HS3ST3A1: variants seen among roughly 807,000 people sequenced by gnomAD.
The protein encoded by HS3ST3A1 is heparan sulfate-glucosamine 3-sulfotransferase 3A1, also known as heparan sulfate glucosamine 3-O-sulfotransferase 3A1.
In HS3ST3A1, 19 loss-of-function variants were observed where a neutral mutation model predicts 25.7. That is an observed-to-expected ratio of 0.74 (90% confidence interval 0.52 to 1.08). The LOEUF is 1.08. Among genes scored for constraint, HS3ST3A1 ranks in the 50% least tolerant of loss-of-function variants. HS3ST3A1 has a pLI of 0.00. For missense variants in HS3ST3A1, 459 were observed against 594.3 expected (o/e 0.77, Z 2.37); for synonymous variants, 226 against 278.6 (o/e 0.81, Z 1.88).
chr17:13,503,168 C>A (rs1598407094), intron 1 of HS3ST3A1, among the ~76,000 whole-genome samples: 1 of 104,786 alleles, frequency 9.5e-6, no homozygotes. Context: ...AGCAAGACTC[C>A]ATCTCAAAAA....
chr17:13,496,929 C>A (rs1310638632), intron 1 of HS3ST3A1, 111 bp from the exon 2 acceptor site: 8 of 1,442,200 alleles, frequency 5.5e-6, no homozygotes, highest in East Asian at 2.3e-5. Context: ...CGCAACCCCC[C>A]ACTTGCTAGA....
At chr17:13,593,233 CA>C (rs5819419) in intron 1 of HS3ST3A1, among the ~76,000 whole-genome samples, 10,388 of 103,116 alleles carry the variant, frequency 0.1, 838 homozygotes, top group African/African-American at 0.26. Context: ...TGTTTGTAGC[CA>C]AAAAAAAAAA....
At chr17:13,553,186 A>C (rs1479997128) in intron 1 of HS3ST3A1, among the ~76,000 whole-genome samples, 1 of 152,168 alleles carries the variant, frequency 6.6e-6, no homozygotes, top group Non-Finnish European at 1.5e-5. Flanking sequence ...TCTATGGCTA[A>C]GTAGAGAGCT....
At position 13,495,981 on chromosome 17, in the gene HS3ST3A1, A is replaced by G. The variant is rs1361337896; in HGVS notation, c.*216T>C. On this transcript the variant is annotated 3_prime_UTR_variant, in exon 2 of 2. Coordinates refer to ENST00000284110, the MANE Select transcript of HS3ST3A1 (RefSeq NM_006042.3). ...CATAAAATAAAAACTGAAAATTGAA[A>G]GTGTTTAGACGAGTGAAATTTTCCT... The G allele has an allele frequency of 2.0e-6, 1 of 505,090 alleles. No homozygotes were observed. Among genetic ancestry groups the G allele is most frequent in the Non-Finnish European group, 3.3e-6 (1 of 300,576 alleles). 31.3% of individuals were successfully genotyped at this position (505,090 alleles called of 1,614,324 possible). A position where few individuals can be genotyped will look rare whatever the true frequency, so the allele number is the denominator to read the frequency against.
intron 1 of HS3ST3A1, among the ~76,000 whole-genome samples, chr17:13,578,641 C>T (rs1908017261): frequency 6.6e-6 from 1 of 151,976 alleles, no homozygotes; most frequent in Non-Finnish European, 1.5e-5. Flanking sequence ...AGCCTGGGCC[C>T]AGTCTCTCCT....
intron 1 of HS3ST3A1, among the ~76,000 whole-genome samples, chr17:13,500,520 G>C (rs1207744834): frequency 6.6e-6 from 1 of 152,194 alleles, no homozygotes; most frequent in Non-Finnish European, 1.5e-5. Context: ...AGGTTTGCCT[G>C]AAGACACAAC....
intron 1 of HS3ST3A1, among the ~76,000 whole-genome samples, chr17:13,599,225 A>T (rs1908656009): frequency 6.6e-6 from 1 of 152,178 alleles, no homozygotes; most frequent in Non-Finnish European, 1.5e-5. Context: ...ATATTAAGGG[A>T]AGGTTGTTTG....
At chr17:13,504,103 A>T (rs952291511) in intron 1 of HS3ST3A1, among the ~76,000 whole-genome samples, 4 of 152,224 alleles carry the variant, frequency 2.6e-5, no homozygotes, top group African/African-American at 9.6e-5. Context: ...TCATGAGGTC[A>T]GGAGTTCAAG....
chr17:13,586,907 G>C (rs1159802539), intron 1 of HS3ST3A1, among the ~76,000 whole-genome samples: 1 of 123,470 alleles, frequency 8.1e-6, no homozygotes. Context: ...AGGCATACTA[G>C]ATTTTGAAGA....
intron 1 of HS3ST3A1, 138 bp from the exon 2 acceptor site, chr17:13,496,956 C>T (rs1905304739): frequency 2.5e-6 from 3 of 1,181,054 alleles, no homozygotes; most frequent in Non-Finnish European, 3.5e-6. Context: ...ATGGTGACGT[C>T]GCACAACGAG....
At chr17:13,513,304 C>G (rs1905938708) in intron 1 of HS3ST3A1, among the ~76,000 whole-genome samples, 1 of 152,226 alleles carries the variant, frequency 6.6e-6, no homozygotes. Context: ...AATCCCTCTT[C>G]TTTCAGCACA....
intron 1 of HS3ST3A1, among the ~76,000 whole-genome samples, chr17:13,584,061 T>C (rs1477644753): frequency 6.6e-6 from 1 of 152,246 alleles, no homozygotes; most frequent in Non-Finnish European, 1.5e-5. Context: ...CTGGTATTCA[T>C]AGTGAACACA....
At chr17:13,545,826 T>G (rs938969903) in intron 1 of HS3ST3A1, among the ~76,000 whole-genome samples, 41 of 152,080 alleles carry the variant, frequency 2.7e-4, no homozygotes, top group Middle Eastern at 3.4e-3. Flanking sequence ...AATACAAAAA[T>G]TAGCCGGGTG....
intron 1 of HS3ST3A1, among the ~76,000 whole-genome samples, chr17:13,558,801 A>G (rs1157128291): frequency 6.6e-6 from 1 of 152,218 alleles, no homozygotes; most frequent in Non-Finnish European, 1.5e-5. Flanking sequence ...TAAGCTAAAC[A>G]CGGAAGTCTA....
Position 13,601,202 on chromosome 17 carries a change from C to G in HS3ST3A1, c.-73G>C. 1 of 1,184,396 alleles carries G rather than the reference C, an allele frequency of 8.4e-7. No homozygotes were observed. The highest frequency in any genetic ancestry group is 1.7e-5 in the South Asian group (1 of 58,186). 73.4% of individuals were successfully genotyped at this position (1,184,396 alleles called of 1,614,324 possible). On this transcript the variant is annotated 5_prime_UTR_variant, in exon 1 of 2. Transcript: ENST00000284110. ...GACCCCGACAGGTGCCAGAGCATCC[C>G]CCCGGCGGGCCAGCGCGCTGGACGG... is the stretch of plus-strand genomic sequence containing the variant.
chr17:13,528,911 T>G (rs35514007), intron 1 of HS3ST3A1, among the ~76,000 whole-genome samples: 15,679 of 148,112 alleles, frequency 0.11, 972 homozygotes, highest in Non-Finnish European at 0.15. Context: ...CATGGAACCA[T>G]GTGGACGTGT....
chr17:13,506,261 T>C (rs911304538), intron 1 of HS3ST3A1, among the ~76,000 whole-genome samples: 4 of 152,130 alleles, frequency 2.6e-5, no homozygotes, highest in Non-Finnish European at 5.9e-5. Flanking sequence ...ATTTTGCTAT[T>C]AATAAGCTGT....
intron 1 of HS3ST3A1, among the ~76,000 whole-genome samples, chr17:13,501,626 G>A (rs1472761604): frequency 6.6e-6 from 1 of 152,010 alleles, no homozygotes; most frequent in Non-Finnish European, 1.5e-5. Context: ...TAGTAATTTA[G>A]CATCTCTATG....
chr17:13,536,941 T>C (rs1439199378), intron 1 of HS3ST3A1, among the ~76,000 whole-genome samples: 2 of 152,190 alleles, frequency 1.3e-5, no homozygotes, highest in East Asian at 1.9e-4. Flanking sequence ...CTGAGGAGGA[T>C]TGCACAGACT....
Sources: gnomAD v4.1 joint callset for allele counts (sites outside exome capture counted in the v4.1 genomes callset) on GRCh38, gnomAD v4.1.1 for gene constraint, MANE v1.5 for transcripts, NCBI Gene and HGNC (gene_info 2026-07-23, HGNC 2026-07-21) for gene names.